The following DACH2 variants were observed in gnomAD, a reference collection of about 807,000 sequenced individuals.
DACH2 encodes dachshund homolog 2.
In DACH2, 17 loss-of-function variants were observed where a neutral mutation model predicts 35.8. The observed-to-expected ratio is 0.48, with a 90% CI of 0.33 to 0.71. DACH2 has a LOEUF of 0.71. Ranked by LOEUF, DACH2 falls within the 30% of genes least tolerant of loss-of-function variation. The pLI is 0.02. For missense variants in DACH2, 469 were observed against 472.7 expected (o/e 0.99, Z 0.07); for synonymous variants, 195 against 177.3 (o/e 1.10, Z -0.79).
intron 7 of DACH2, among the ~76,000 whole-genome samples, chrX:86,760,772 G>A (rs201326608): frequency 1.8e-5 from 2 of 109,087 alleles, no homozygotes; most frequent in East Asian, 5.8e-4. Flanking sequence ...ATGTATCTTT[G>A]CTTTTTCCTC....
At chrX:86,316,117 TTTTG>T (rs913041586) in intron 1 of DACH2, among the ~76,000 whole-genome samples, 5 of 87,312 alleles carry the variant, frequency 5.7e-5, no homozygotes, top group African/African-American at 1.9e-4. Context: ...CTGTGCTGTT[TTTTG>T]TTTGTTTGTA....
chrX:86,632,151 G>A (rs2040208559), intron 3 of DACH2, among the ~76,000 whole-genome samples: 1 of 111,075 alleles, frequency 9.0e-6, no homozygotes, highest in African/African-American at 3.3e-5. Context: ...ATCCATTTTA[G>A]AGAGTTTTAA....
intron 1 of DACH2, among the ~76,000 whole-genome samples, chrX:86,315,535 G>A (rs1334443182): frequency 9.0e-6 from 1 of 111,473 alleles, no homozygotes; most frequent in Non-Finnish European, 1.9e-5. Flanking sequence ...TTCATCTGAT[G>A]GATCAAAAAG....
intron 7 of DACH2, among the ~76,000 whole-genome samples, chrX:86,746,351 G>A (rs186648143): frequency 9.0e-4 from 100 of 111,382 alleles, no homozygotes; most frequent in Non-Finnish European, 1.6e-3. Context: ...AGTGGATGCA[G>A]CCGTTTACAT....
intron 3 of DACH2, among the ~76,000 whole-genome samples, chrX:86,544,992 G>T (rs1331600834): frequency 3.6e-5 from 4 of 111,768 alleles, no homozygotes. Flanking sequence ...AGGGGGTTTT[G>T]CCATGTTGGC....
intron 7 of DACH2, among the ~76,000 whole-genome samples, chrX:86,762,388 C>G (rs971765377): frequency 1.8e-5 from 2 of 111,289 alleles, no homozygotes; most frequent in Non-Finnish European, 3.8e-5. Flanking sequence ...TTCTTATAAT[C>G]TTCTGCTCAT....
At chrX:86,655,114 T>C (rs2040524423) in intron 4 of DACH2, among the ~76,000 whole-genome samples, 1 of 111,286 alleles carries the variant, frequency 9.0e-6, no homozygotes, top group Non-Finnish European at 1.9e-5. Context: ...CAGAAGTAGA[T>C]CATTTCAACA....
intron 1 of DACH2, among the ~76,000 whole-genome samples, chrX:86,290,680 A>G (rs1602363540): frequency 9.6e-6 from 1 of 104,595 alleles, no homozygotes; most frequent in Non-Finnish European, 1.9e-5. Context: ...TAAATAGGGA[A>G]TCCTTTCCCC....
intron 2 of DACH2, among the ~76,000 whole-genome samples, chrX:86,507,599 T>C (rs759054268): frequency 1.8e-5 from 2 of 110,981 alleles, no homozygotes; most frequent in Non-Finnish European, 3.8e-5. Flanking sequence ...GGTCAAATAC[T>C]ACGGTTAGCA....
intron 1 of DACH2, among the ~76,000 whole-genome samples, chrX:86,295,410 C>G (rs896535720): frequency 1.8e-5 from 2 of 112,020 alleles, no homozygotes; most frequent in African/African-American, 3.2e-5. Flanking sequence ...CTGTAGACCG[C>G]AGCTGTTCCT....
At chrX:86,759,058 C>T (rs1162099200) in intron 7 of DACH2, among the ~76,000 whole-genome samples, 1 of 111,537 alleles carries the variant, frequency 9.0e-6, no homozygotes, top group Non-Finnish European at 1.9e-5. Flanking sequence ...CCCCCATTCC[C>T]ATGCCCAGAC....
At chrX:86,441,855 A>ATGTG (rs751065507) in intron 2 of DACH2, among the ~76,000 whole-genome samples, 3 of 96,559 alleles carry the variant, frequency 3.1e-5, no homozygotes, top group Non-Finnish European at 4.2e-5. Flanking sequence ...TATACTATAT[A>ATGTG]TGTGTGTGTG....
chrX:86,548,547 C>A (rs2039005973), intron 3 of DACH2, among the ~76,000 whole-genome samples: 1 of 111,804 alleles, frequency 8.9e-6, no homozygotes, highest in Non-Finnish European at 1.9e-5. Context: ...TTTTGAATTT[C>A]TGGCTCAAAT....
chrX:86,424,504 C>T (rs1282139703), intron 2 of DACH2, among the ~76,000 whole-genome samples: 2 of 110,936 alleles, frequency 1.8e-5, no homozygotes, highest in Non-Finnish European at 3.8e-5. Flanking sequence ...TATAAAAATG[C>T]TACTGAGTTT....
At chrX:86,675,896 T>A (rs1315724856) in intron 4 of DACH2, among the ~76,000 whole-genome samples, 1 of 111,645 alleles carries the variant, frequency 9.0e-6, no homozygotes, top group Non-Finnish European at 1.9e-5. Context: ...AAAGTAAAAT[T>A]TAAAGATGCA....
intron 1 of DACH2, among the ~76,000 whole-genome samples, chrX:86,271,819 A>G (rs1329580429): frequency 4.5e-5 from 5 of 111,865 alleles, no homozygotes; most frequent in East Asian, 5.6e-4. Flanking sequence ...AATAATGCCT[A>G]CTACACTAAA....
rs185113030 is a variant in DACH2 at position 86,545,632 on chromosome X, G to A, written c.640+31241G>A. On this transcript the variant is annotated intron_variant, in intron 3 of 11. Coordinates refer to ENST00000373125, the MANE Select transcript of DACH2 (RefSeq NM_053281.3). ...AACTAAGGACAAGGATTTTAAAGTGGTTTAGAGTCCACAGTCATTTTCATA... is the reference window on the plus strand; with the variant it reads ...AACTAAGGACAAGGATTTTAAAGTGATTTAGAGTCCACAGTCATTTTCATA... Among the ~76,000 whole-genome samples the A allele has an allele frequency of 2.4e-3, 269 of 111,831 alleles. 1 individual carries two copies. Among genetic ancestry groups the A allele is most frequent in the African/African-American group, 7.8e-3 (240 of 30,820 alleles).
intron 1 of DACH2, among the ~76,000 whole-genome samples, chrX:86,164,250 T>C (rs867027064): frequency 1.8e-5 from 2 of 111,795 alleles, no homozygotes; most frequent in Non-Finnish European, 1.9e-5. Context: ...AAAGTGTCTG[T>C]TCAGGTCCTT....
At chrX:86,553,607 G>A (rs1474093407) in intron 3 of DACH2, among the ~76,000 whole-genome samples, 4 of 111,984 alleles carry the variant, frequency 3.6e-5, no homozygotes, top group Non-Finnish European at 7.5e-5. Context: ...CATACAGAGA[G>A]AAAAAGCATA....
Sources: allele counts gnomAD v4.1 joint callset (sites outside exome capture counted in the v4.1 genomes callset), GRCh38; gene constraint gnomAD v4.1.1; transcripts MANE v1.5; gene names NCBI Gene and HGNC (gene_info 2026-07-23, HGNC 2026-07-21).